The following MAP7 variants were observed in gnomAD, a reference collection of about 807,000 sequenced individuals.
MAP7 encodes microtubule associated protein 7, also known as ensconsin.
In MAP7, 52 loss-of-function variants were observed where a neutral mutation model predicts 94.8. That is an observed-to-expected ratio of 0.55 (90% CI 0.44 to 0.69). The LOEUF (loss-of-function observed/expected upper bound fraction) is 0.69. Among genes scored for constraint, MAP7 ranks in the 30% least tolerant of loss-of-function variants. The pLI is 0.00. For synonymous variants in MAP7, 350 were observed against 357.0 expected (o/e 0.98, Z 0.22); for missense variants, 940 against 964.6 (o/e 0.97, Z 0.34).
rs764893591 is a variant in MAP7, at chr6:136,344,241, A to G, written c.2240-3T>C. On this transcript the variant is annotated splice_region_variant and splice_polypyrimidine_tract_variant and intron_variant, in intron 17 of 17. Transcript: ENST00000354570. Reference sequence around the variant, plus strand: ...CAGAAGAAACACTCATATAACTTCTACATGAAGAGACAGAAAAAGAACAAG... The same window carrying G: ...CAGAAGAAACACTCATATAACTTCTGCATGAAGAGACAGAAAAAGAACAAG... 7.6e-7 allele frequency: 1 copy of G among 1,321,758 alleles called. No homozygotes were observed. The highest frequency in any genetic ancestry group is 1.7e-5 in the South Asian group (1 of 58,466). The allele number at this position is 1,321,758 out of a possible 1,614,324, so 81.9% of individuals were successfully genotyped here.
intron 5 of MAP7, among the ~76,000 whole-genome samples, chr6:136,387,564 G>C (rs1442042602): frequency 2.6e-5 from 4 of 152,106 alleles, no homozygotes; most frequent in Non-Finnish European, 4.4e-5. Context: ...ATCGGCCCTA[G>C]GTCTGAGGTG....
chr6:136,359,982 T>C lies in MAP7; in HGVS notation c.1853A>G (p.Lys618Arg). ...GTTAGAAAACGGCCATGTCAATACC[T>C]TATCTGTAGCTTCTGTTCTCCTGGT... ...KRTRRTEATD[K>R]KTSDQRNGDI... is the part of the protein sequence containing the mutation. The change falls in exon 14 of 18, where the codon AAG (lysine) becomes AGG (arginine). Residue 618 changes from lysine to arginine, a missense_variant and splice_region_variant. Coordinates refer to ENST00000354570, the MANE Select transcript of MAP7 (RefSeq NM_003980.6). 1.9e-6 allele frequency: 3 copies of C among 1,613,382 alleles called. No homozygotes were observed. Among genetic ancestry groups the C allele is most frequent in the Non-Finnish European group, 8.5e-7 (1 of 1,179,746 alleles).
chr6:136,401,416 T>C (rs932522619), intron 3 of MAP7, among the ~76,000 whole-genome samples: 12 of 152,156 alleles, frequency 7.9e-5, no homozygotes, highest in Admixed American at 2.0e-4. Flanking sequence ...ATTAAGAAAA[T>C]GTGGCACATA....
Position 136,436,378 on chromosome 6 carries a change from A to G in MAP7, c.68-14579T>C, listed in dbSNP as rs60829243. Reference sequence around the variant, plus strand: ...TTCTATTTTTTAAATATTCTAAAAGATGATTTTTTTTTTTTTTTAAAGATG... The same window carrying G: ...TTCTATTTTTTAAATATTCTAAAAGGTGATTTTTTTTTTTTTTTAAAGATG... On this transcript the variant is annotated intron_variant, in intron 1 of 17. Coordinates refer to ENST00000354570, the MANE Select transcript of MAP7 (RefSeq NM_003980.6). 9.0e-3 allele frequency among the ~76,000 whole-genome samples: 1,357 copies of G among 150,344 alleles called. 58 individuals carry two copies. In the East Asian group the frequency reaches 0.14, roughly 15 times the overall value.
intron 7 of MAP7, among the ~76,000 whole-genome samples, chr6:136,373,298 C>T (rs375464209): frequency 5.3e-5 from 8 of 152,230 alleles, no homozygotes; most frequent in Admixed American, 2.0e-4. Flanking sequence ...TGCATGCTTC[C>T]GGGTTTTCCC....
At chr6:136,352,960 G>A (rs1215156821) in intron 16 of MAP7, among the ~76,000 whole-genome samples, 2 of 152,172 alleles carry the variant, frequency 1.3e-5, no homozygotes, top group Non-Finnish European at 2.9e-5. Context: ...TGAATTCAAG[G>A]ATGACAAATT....
intron 1 of MAP7, among the ~76,000 whole-genome samples, chr6:136,438,998 G>C (rs1797115437): frequency 6.6e-6 from 1 of 152,144 alleles, no homozygotes; most frequent in Non-Finnish European, 1.5e-5. Flanking sequence ...ATGTGCAACT[G>C]TTTTAAATCA....
In MAP7 at chr6:136,529,364, C is replaced by T. The variant is rs191758532; in HGVS notation, c.67+20978G>A. On this transcript the variant is annotated intron_variant, in intron 1 of 17. Coordinates refer to ENST00000354570, the MANE Select transcript of MAP7 (RefSeq NM_003980.6). ...TTGACTCCTGACCTCAAGTGATCCA[C>T]CCACCTTGGCTTCTCAAAGTGCTGG... Among the ~76,000 whole-genome samples the T allele has an allele frequency of 3.9e-5, 6 of 152,214 alleles. No individual in the cohort carries two copies. In the East Asian group the frequency reaches 1.2e-3, roughly 29 times the overall value.
At chr6:136,346,783 G>C (rs749428524) in intron 16 of MAP7, among the ~76,000 whole-genome samples, 1 of 152,148 alleles carries the variant, frequency 6.6e-6, no homozygotes, top group Non-Finnish European at 1.5e-5. Flanking sequence ...TAATTTGGAG[G>C]GGGGAGTAAA....
chr6:136,386,640 C>T (rs1343327412), intron 5 of MAP7, among the ~76,000 whole-genome samples: 1 of 152,068 alleles, frequency 6.6e-6, no homozygotes, highest in Admixed American at 6.5e-5. Context: ...AAAAATATCC[C>T]ATCAACAAAA....
intron 1 of MAP7, among the ~76,000 whole-genome samples, chr6:136,482,340 T>C (rs969979799): frequency 6.6e-6 from 1 of 152,226 alleles, no homozygotes; most frequent in Non-Finnish European, 1.5e-5. Flanking sequence ...GGCTCACGCC[T>C]GTAATCCCAG....
intron 1 of MAP7, chr6:136,525,889 A>G: frequency 6.5e-7 from 1 of 1,535,502 alleles, no homozygotes; most frequent in Non-Finnish European, 8.7e-7. Flanking sequence ...TTAATGGTGA[A>G]TAAACCAAGA....
chr6:136,380,269 T>C (rs1215954935), intron 6 of MAP7, among the ~76,000 whole-genome samples: 2 of 152,206 alleles, frequency 1.3e-5, no homozygotes, highest in African/African-American at 4.8e-5. Flanking sequence ...GCCTTACCAC[T>C]TCCTCCCATA....
intron 1 of MAP7, among the ~76,000 whole-genome samples, chr6:136,484,834 T>C (rs573021092): frequency 6.6e-6 from 1 of 152,192 alleles, no homozygotes; most frequent in Non-Finnish European, 1.5e-5. Context: ...CAGTTAGGAT[T>C]ACAGACAAGT....
At chr6:136,344,812 G>A (rs1787238408) in intron 17 of MAP7, among the ~76,000 whole-genome samples, 1 of 152,154 alleles carries the variant, frequency 6.6e-6, no homozygotes, top group South Asian at 2.1e-4. Flanking sequence ...GTACACTAGA[G>A]GAGAAAAGAA....
Position 136,408,702 on chromosome 6 carries a change from AT to A in MAP7, c.244+2917del, listed in dbSNP as rs59965942. ...TTGGTAAGAGTTGACATTACCAACT[AT>A]TTTTTTTTTGTTTTCAAATTAAGCA... On this transcript the variant is annotated intron_variant, in intron 3 of 17. Coordinates refer to ENST00000354570, the MANE Select transcript of MAP7 (RefSeq NM_003980.6). Among the ~76,000 whole-genome samples the A allele has an allele frequency of 9.4e-3, 1,400 of 149,064 alleles. 59 individuals carry two copies. In the East Asian group the frequency reaches 0.14, roughly 15 times the overall value.
chr6:136,415,101 G>A (rs751269816), intron 2 of MAP7, among the ~76,000 whole-genome samples: 5 of 151,962 alleles, frequency 3.3e-5, no homozygotes, highest in African/African-American at 9.7e-5. Flanking sequence ...CACCATGCCC[G>A]ATCTCGGCTA....
chr6:136,456,692 A>G (rs116186299), intron 1 of MAP7, among the ~76,000 whole-genome samples: 2 of 144,118 alleles, frequency 1.4e-5, no homozygotes, highest in South Asian at 4.4e-4. Flanking sequence ...AAGAAGAAAG[A>G]AGAAAGAAGA....
chr6:136,343,392 G>A lies in MAP7; in HGVS notation c.*836C>T, dbSNP rs1786929046. On this transcript the variant is annotated 3_prime_UTR_variant, in exon 18 of 18. Coordinates refer to ENST00000354570, the MANE Select transcript of MAP7 (RefSeq NM_003980.6). ...GCAAAGATAAGTCCACCATCACTGGGGACAGCAGCAACATACAGACTTCAG... is the reference window on the plus strand; with the variant it reads ...GCAAAGATAAGTCCACCATCACTGGAGACAGCAGCAACATACAGACTTCAG... The A allele has an allele frequency of 6.6e-6, 1 of 152,504 alleles. No homozygotes were observed. Among genetic ancestry groups the A allele is most frequent in the South Asian group, 2.1e-4 (1 of 4,814 alleles). The allele number at this position is 152,504 out of a possible 1,614,324, so 9.4% of individuals were successfully genotyped here.
Sources: allele counts gnomAD v4.1 joint callset (sites outside exome capture counted in the v4.1 genomes callset), GRCh38; gene constraint gnomAD v4.1.1; transcripts MANE v1.5; gene names NCBI Gene and HGNC (gene_info 2026-07-23, HGNC 2026-07-21).